DMD: variants seen among roughly 807,000 people sequenced by gnomAD.
The protein encoded by DMD is dystrophin.
In DMD, 63 loss-of-function variants were observed where a neutral mutation model predicts 330.1. The ratio of observed to expected loss-of-function variants is 0.19; its 90% CI spans 0.16 to 0.24. The LOEUF (loss-of-function observed/expected upper bound fraction) is 0.24. DMD is among the 10% of genes least tolerant of loss of function. The probability of loss-of-function intolerance (pLI) is 1.00; values close to 1 mark genes in which losing one functional copy is unlikely to be tolerated. For synonymous variants in DMD, 1,223 were observed against 959.8 expected, an observed-to-expected ratio of 1.27 and a Z score of -5.07; for missense variants, 3,344 against 2,684.1, an observed-to-expected ratio of 1.25 and a Z score of -5.43.
chrX:31,841,270 G>T (rs2093313963), intron 48 of DMD, among the ~76,000 whole-genome samples: 1 of 111,759 alleles, frequency 8.9e-6, no homozygotes, highest in Non-Finnish European at 1.9e-5. Flanking sequence ...TCAGTTGTAT[G>T]AATGCTGAGA....
chrX:32,402,635 T>G (rs1473633116), intron 30 of DMD, among the ~76,000 whole-genome samples: 2 of 111,585 alleles, frequency 1.8e-5, no homozygotes, highest in Non-Finnish European at 3.8e-5. Flanking sequence ...GTATAATCCT[T>G]AAAAACTAGG....
intron 7 of DMD, among the ~76,000 whole-genome samples, chrX:32,804,225 G>A (rs2076794207): frequency 1.8e-5 from 2 of 112,080 alleles, no homozygotes; most frequent in Admixed American, 1.9e-4. Flanking sequence ...GAGATCCACT[G>A]GCTTGTAATT....
At chrX:32,115,596 C>T (rs764661371) in intron 44 of DMD, among the ~76,000 whole-genome samples, 14 of 111,471 alleles carry the variant, frequency 1.3e-4, no homozygotes, top group African/African-American at 3.9e-4. Flanking sequence ...TCAGACTGAT[C>T]TACCCAACTT....
chrX:33,016,368 C>T (rs760164611), intron 2 of DMD, among the ~76,000 whole-genome samples: 3 of 111,600 alleles, frequency 2.7e-5, no homozygotes, highest in Non-Finnish European at 5.7e-5. Flanking sequence ...AGACATACAG[C>T]GTAGAAGGTA....
intron 62 of DMD, among the ~76,000 whole-genome samples, chrX:31,303,331 G>A (rs1433190409): frequency 9.0e-6 from 1 of 110,906 alleles, no homozygotes; most frequent in Non-Finnish European, 1.9e-5. Flanking sequence ...CACACTATCT[G>A]TCTATTTACA....
intron 44 of DMD, among the ~76,000 whole-genome samples, chrX:32,192,880 A>G (rs1380659476): frequency 8.9e-6 from 1 of 112,156 alleles, no homozygotes; most frequent in African/African-American, 3.2e-5. Context: ...CTGATTAAAC[A>G]TGGATATCAT....
chrX:31,711,979 C>T (rs1013822218), intron 52 of DMD, among the ~76,000 whole-genome samples: 3 of 110,813 alleles, frequency 2.7e-5, no homozygotes, highest in African/African-American at 6.6e-5. Flanking sequence ...TATACTATAA[C>T]GGCATTTGAA....
At chrX:32,204,407 T>C (rs1003934716) in intron 44 of DMD, among the ~76,000 whole-genome samples, 3 of 112,587 alleles carry the variant, frequency 2.7e-5, no homozygotes, top group Non-Finnish European at 5.6e-5. Context: ...CTTTATAAAT[T>C]ACTGCAATGA....
chrX:31,252,774 G>T (rs1403167034), intron 63 of DMD, among the ~76,000 whole-genome samples: 1 of 112,157 alleles, frequency 8.9e-6, no homozygotes, highest in African/African-American at 3.2e-5. Context: ...AGCACTCTGG[G>T]AGGCCGAGGC....
intron 44 of DMD, among the ~76,000 whole-genome samples, chrX:32,024,508 A>AAAAAAAAAAAAAAAAAAAAAAAAAAT (rs1397758849): frequency 9.8e-6 from 1 of 102,168 alleles, no homozygotes; most frequent in Non-Finnish European, 2.0e-5. Context: ...AAAAAAAAAA[A>AAAAAAAAAAAAAAAAAAAAAAAAAAT]GTATGAAACA....
intron 50 of DMD, among the ~76,000 whole-genome samples, chrX:31,809,626 G>C (rs1262709098): frequency 1.8e-5 from 2 of 111,024 alleles, no homozygotes; most frequent in South Asian, 3.7e-4. Context: ...CTGAAGATGA[G>C]AGAAGGAATA....
At position 32,362,950 on chromosome X, in the gene DMD, C is replaced by G. The variant is rs72468630; in HGVS notation, c.5163G>C (p.Lys1721Asn). ...TTGGGCGTATGTCATTCAGTTCTGC[C>G]TTTAAACGCTATATTCCATGAGCAA... ...QQKEDVLKRL[K>N]AELNDIRPKV... Residue 1721 changes from lysine to asparagine, a missense_variant, in exon 37 of 79, where the codon AAG becomes AAC. By Grantham distance (94) the Lys-to-Asn change is moderately conservative (BLOSUM62 0). Transcript: ENST00000357033. The G allele has an allele frequency of 3.0e-4, 363 of 1,206,361 alleles. 1 individual carries two copies. In the East Asian group the frequency reaches 8.2e-3, roughly 27 times the overall value.
intron 55 of DMD, among the ~76,000 whole-genome samples, chrX:31,613,730 C>T (rs1471429666): frequency 2.7e-5 from 3 of 111,013 alleles, no homozygotes; most frequent in Non-Finnish European, 5.7e-5. Flanking sequence ...GGCTAGGTCT[C>T]TCTGTCCTCC....
chrX:32,928,920 TG>T (rs2089332677), intron 2 of DMD, among the ~76,000 whole-genome samples: 1 of 112,342 alleles, frequency 8.9e-6, no homozygotes, highest in Non-Finnish European at 1.9e-5. Context: ...TTCCTTGTTC[TG>T]TTTAAACACA....
intron 44 of DMD, among the ~76,000 whole-genome samples, chrX:31,988,530 C>T (rs756976851): frequency 1.1e-5 from 1 of 92,811 alleles, no homozygotes; most frequent in Non-Finnish European, 2.2e-5. Context: ...TTAAAAATAG[C>T]AACACTAAGA....
intron 2 of DMD, among the ~76,000 whole-genome samples, chrX:33,010,435 C>T (rs183499467): frequency 9.7e-4 from 106 of 108,785 alleles, no homozygotes; most frequent in Non-Finnish European, 1.7e-3. Context: ...AATCCCAAAT[C>T]CAAAATGCTC....
intron 1 of DMD, chrX:33,041,339 G>A (rs1490421314): frequency 3.5e-6 from 4 of 1,143,636 alleles, no homozygotes; most frequent in Non-Finnish European, 3.5e-6. Context: ...TCTGCGCGTC[G>A]CCCTCCACGG....
intron 44 of DMD, among the ~76,000 whole-genome samples, chrX:32,060,989 A>T (rs772875834): frequency 5.4e-5 from 6 of 111,039 alleles, no homozygotes; most frequent in Non-Finnish European, 1.1e-4. Context: ...AATAAAACGC[A>T]CTTTGGCCTG....
intron 65 of DMD, 128 bp downstream of exon 65, chrX:31,209,370 A>G (rs1266833878): frequency 1.3e-5 from 9 of 675,559 alleles, no homozygotes; most frequent in Non-Finnish European, 2.1e-5. Context: ...TGCAAAAATG[A>G]TTTATCACAG....
Sources: gnomAD v4.1 joint callset for allele counts (sites outside exome capture counted in the v4.1 genomes callset) on GRCh38, gnomAD v4.1.1 for gene constraint, MANE v1.5 for transcripts, NCBI Gene and HGNC (gene_info 2026-07-23, HGNC 2026-07-21) for gene names.